Variants in BRINP1 observed in about 807,000 individuals in gnomAD.
BRINP1 encodes the protein BMP/retinoic acid-inducible neural-specific protein 1.
In BRINP1, 17 loss-of-function variants were observed where a neutral mutation model predicts 72.9. The ratio of observed to expected loss-of-function variants is 0.23; its 90% confidence interval spans 0.16 to 0.35. The LOEUF (loss-of-function observed/expected upper bound fraction) is 0.35, where lower values mean the gene tolerates loss of function less well. Among genes scored for constraint, BRINP1 ranks in the 10% least tolerant of loss-of-function variants. The probability of loss-of-function intolerance (pLI) is 1.00; values close to 1 mark genes in which losing one functional copy is unlikely to be tolerated. For missense variants in BRINP1, 850 were observed against 1,001.6 expected (o/e 0.85, Z 2.04); for synonymous variants, 418 against 378.5 (o/e 1.10, Z -1.21).
chr9:119,254,385 G>C (rs1328274535), intron 2 of BRINP1, among the ~76,000 whole-genome samples: 2 of 152,148 alleles, frequency 1.3e-5, no homozygotes, highest in Admixed American at 6.6e-5. Context: ...ACACCTGAAG[G>C]AAATGAGGGA....
At chr9:119,208,473 G>A (rs1264420494) in intron 7 of BRINP1, among the ~76,000 whole-genome samples, 1 of 152,164 alleles carries the variant, frequency 6.6e-6, no homozygotes, top group Non-Finnish European at 1.5e-5. Flanking sequence ...TCAATCAGGT[G>A]AATCAGACAG....
intron 2 of BRINP1, among the ~76,000 whole-genome samples, chr9:119,251,720 G>T (rs767549832): frequency 5.9e-5 from 9 of 152,070 alleles, no homozygotes; most frequent in Non-Finnish European, 8.8e-5. Context: ...AGAGGGTGTG[G>T]GAGGCAACAA....
intron 5 of BRINP1, among the ~76,000 whole-genome samples, chr9:119,220,460 G>C (rs747661596): frequency 5.3e-5 from 8 of 152,082 alleles, no homozygotes; most frequent in Non-Finnish European, 8.8e-5. Context: ...AATCTTCATC[G>C]CTGACTTTGA....
At chr9:119,345,915 C>A (rs1344420654) in intron 1 of BRINP1, among the ~76,000 whole-genome samples, 3 of 152,010 alleles carry the variant, frequency 2.0e-5, no homozygotes, top group Non-Finnish European at 4.4e-5. Context: ...ACTTTACAGA[C>A]AGGGTAAATG....
At chr9:119,286,245 T>TC (rs1378536096) in intron 2 of BRINP1, among the ~76,000 whole-genome samples, 1 of 151,872 alleles carries the variant, frequency 6.6e-6, no homozygotes, top group Non-Finnish European at 1.5e-5. Flanking sequence ...CATCTTTTTT[T>TC]TTTTTGAGAC....
At chr9:119,353,682 G>A (rs1338794017) in intron 1 of BRINP1, among the ~76,000 whole-genome samples, 2 of 151,990 alleles carry the variant, frequency 1.3e-5, no homozygotes, top group Non-Finnish European at 2.9e-5. Context: ...TCCCATTTCA[G>A]AGTATCCAAT....
intron 7 of BRINP1, among the ~76,000 whole-genome samples, chr9:119,179,238 T>C (rs1829525497): frequency 6.6e-6 from 1 of 152,218 alleles, no homozygotes; most frequent in African/African-American, 2.4e-5. Flanking sequence ...TCTCTGTCCC[T>C]AAGGATCCAA....
At chr9:119,213,742 A>T in intron 6 of BRINP1, 177 bp downstream of exon 6, 3 of 666,210 alleles carry the variant, frequency 4.5e-6, no homozygotes, top group Non-Finnish European at 8.1e-6. Context: ...TATTCAGTTG[A>T]GATTTATTGA....
At chr9:119,255,491 C>T (rs1206356772) in intron 2 of BRINP1, among the ~76,000 whole-genome samples, 1 of 152,158 alleles carries the variant, frequency 6.6e-6, no homozygotes, top group Non-Finnish European at 1.5e-5. Flanking sequence ...TAAGATGAGG[C>T]TGGAGAGAAA....
At chr9:119,202,125 T>G (rs1269788339) in intron 7 of BRINP1, among the ~76,000 whole-genome samples, 1 of 152,198 alleles carries the variant, frequency 6.6e-6, no homozygotes, top group Non-Finnish European at 1.5e-5. Flanking sequence ...GAAGCCTGTC[T>G]TCTACCTGCT....
chr9:119,169,133 T>C (rs969798628), intron 7 of BRINP1, among the ~76,000 whole-genome samples: 7 of 152,202 alleles, frequency 4.6e-5, no homozygotes, highest in Non-Finnish European at 7.3e-5. Flanking sequence ...GGAGCCAAGA[T>C]GGCCTAATAG....
In BRINP1 at chr9:119,349,144, C is replaced by T. The variant is rs115465052; in HGVS notation, c.-51+19912G>A. Among the ~76,000 whole-genome samples the T allele has an allele frequency of 3.7e-3, 557 of 152,110 alleles. 2 individuals are homozygous for T. The highest frequency in any genetic ancestry group is 0.013 in the African/African-American group (537 of 41,486). ...CTAAGGACAGTTTATTAGAAAAACC[C>T]CCGCGTAAGAGCTTGCTAAGGATAG... On this transcript the variant is annotated intron_variant, in intron 1 of 7. Transcript: ENST00000265922.
chr9:119,244,941 T>A (rs1830298521), intron 3 of BRINP1, among the ~76,000 whole-genome samples: 1 of 152,158 alleles, frequency 6.6e-6, no homozygotes, highest in Non-Finnish European at 1.5e-5. Flanking sequence ...ATCCTATTAC[T>A]TTTTGAGTCA....
chr9:119,185,462 C>A (rs762640163), intron 7 of BRINP1, among the ~76,000 whole-genome samples: 4 of 152,286 alleles, frequency 2.6e-5, no homozygotes, highest in Middle Eastern at 6.8e-3. Flanking sequence ...AGCCTTTGTA[C>A]TAAAATTATC....
intron 2 of BRINP1, among the ~76,000 whole-genome samples, chr9:119,274,702 A>G (rs1830638032): frequency 6.6e-6 from 1 of 152,192 alleles, no homozygotes; most frequent in Admixed American, 6.5e-5. Context: ...AAATATGCAC[A>G]GAATCAGTCT....
chr9:119,318,483 T>C (rs1831148889), intron 1 of BRINP1, among the ~76,000 whole-genome samples: 1 of 152,146 alleles, frequency 6.6e-6, no homozygotes. Flanking sequence ...GAAAGGTACA[T>C]GAGCAGAGGA....
chr9:119,294,853 T>TAAAAAAAAAAAAAAAAAAAAA (rs59715609), intron 2 of BRINP1, among the ~76,000 whole-genome samples: 2 of 128,028 alleles, frequency 1.6e-5, no homozygotes. Flanking sequence ...GACACTACGT[T>TAAAAAAAAAAAAAAAAAAAAA]AAAAAAAAAA....
At chr9:119,307,624 C>G (rs908662373) in intron 2 of BRINP1, among the ~76,000 whole-genome samples, 2 of 152,176 alleles carry the variant, frequency 1.3e-5, no homozygotes, top group Non-Finnish European at 2.9e-5. Context: ...ACCAGTTACT[C>G]AAAACGAAGA....
At chr9:119,316,284 C>T (rs985458139) in intron 1 of BRINP1, among the ~76,000 whole-genome samples, 2 of 152,166 alleles carry the variant, frequency 1.3e-5, no homozygotes, top group Non-Finnish European at 2.9e-5. Flanking sequence ...AACAGGGTTT[C>T]GCCATGTTGG....
Sources: gnomAD v4.1 joint callset for allele counts (sites outside exome capture counted in the v4.1 genomes callset) on GRCh38, gnomAD v4.1.1 for gene constraint, MANE v1.5 for transcripts, NCBI Gene and HGNC (gene_info 2026-07-23, HGNC 2026-07-21) for gene names.